DYNC1H1: variants seen among roughly 807,000 people sequenced by gnomAD.
The protein encoded by DYNC1H1 is cytoplasmic dynein 1 heavy chain 1.
Under a neutral mutation model 527.1 loss-of-function variants are expected in DYNC1H1, and 51 were observed. The ratio of observed to expected loss-of-function variants is 0.10; its 90% confidence interval spans 0.08 to 0.12. The LOEUF is 0.12. Ranked by LOEUF, DYNC1H1 falls within the 10% of genes least tolerant of loss-of-function variation. DYNC1H1 has a pLI of 1.00. For missense variants in DYNC1H1, 2,771 were observed against 5,971.8 expected (o/e 0.46, Z 17.66); for synonymous variants, 2,189 against 2,278.8 (o/e 0.96, Z 1.12).
At position 102,040,353 on chromosome 14, in the gene DYNC1H1, G is replaced by A. The variant is rs749774459; in HGVS notation, c.11808G>A (p.Val3936=). 3.1e-6 allele frequency: 5 copies of A among 1,614,112 alleles called. No individual in the cohort carries two copies. The highest frequency in any genetic ancestry group is 4.2e-6 in the Non-Finnish European group (5 of 1,180,058). ...CTGTGGAGCAGGCGGAGGCGGTGGT[G>A]AGGCTGAGCTGCCTTCCCGCGTTTA... ...GLTVEQAEAV[V]RLSCLPAFKD... Residue 3936 remains valine (V), a synonymous_variant, in exon 63 of 78, where the codon GTG becomes GTA. Transcript: ENST00000360184.
intron 23 of DYNC1H1, among the ~76,000 whole-genome samples, chr14:102,003,973 G>A (rs1427815875): frequency 3.3e-5 from 5 of 151,050 alleles, no homozygotes; most frequent in Non-Finnish European, 1.5e-5. Context: ...CCGGCGCGGT[G>A]GCTCACGCCT....
In DYNC1H1 at chr14:102,001,012, G is replaced by A. The variant is rs2048124807; in HGVS notation, c.4133G>A (p.Arg1378Gln). The change falls in exon 19 of 78, where the codon CGA becomes CAA. Residue 1378 changes from arginine to glutamine, a missense_variant. Coordinates refer to ENST00000360184, the MANE Select transcript of DYNC1H1 (RefSeq NM_001376.5). The surrounding 1 kb of genome is among the most constrained non-coding windows in gnomAD (Gnocchi z 5.0). ...CTGAAAAGCTTCCCTGCCCGGTTGC[G>A]ACAGTATGCGTCCTATGAGTTTGTT... The part of the protein sequence containing the change: ...NQLKSFPARL[R>Q]QYASYEFVQR... 1 of 1,614,190 alleles carries A rather than the reference G, an allele frequency of 6.2e-7. No individual in the cohort carries two copies. The highest frequency in any genetic ancestry group is 8.5e-7 in the Non-Finnish European group (1 of 1,180,044).
chr14:102,026,585 A>T lies in DYNC1H1; in HGVS notation c.8649A>T (p.Pro2883=). The T allele has an allele frequency of 5.0e-6, 8 of 1,614,180 alleles. No individual in the cohort carries two copies. The highest frequency in any genetic ancestry group is 5.9e-6 in the Non-Finnish European group (7 of 1,180,038). The change falls in exon 44 of 78, where the codon CCA becomes CCT. Residue 2883 remains proline (P), a synonymous_variant. Coordinates refer to ENST00000360184, the MANE Select transcript of DYNC1H1 (RefSeq NM_001376.5). ...YSNWLSKDYI[P]VDQEELRDYV... is the part of the protein sequence containing the mutation. Reference sequence around the variant, plus strand: ...CTTTTTTTCTATAGGATTACATCCCAGTAGACCAAGAAGAGTTAAGAGATT... The same window carrying T: ...CTTTTTTTCTATAGGATTACATCCCTGTAGACCAAGAAGAGTTAAGAGATT...
At chr14:101,974,468 A>G (rs796301099) in intron 1 of DYNC1H1, among the ~76,000 whole-genome samples, 11 of 152,314 alleles carry the variant, frequency 7.2e-5, no homozygotes, top group African/African-American at 2.6e-4. Context: ...AAATTAATCC[A>G]TAGATTGTAA....
rs10140283 is a variant in DYNC1H1 at position 102,038,059 on chromosome 14, C to G, written c.10909-401C>G. The G allele has an allele frequency of 1.2e-5, 4 of 338,444 alleles. No individual in the cohort carries two copies. The highest frequency in any genetic ancestry group is 4.3e-5 in the African/African-American group (2 of 46,554). The allele number at this position is 338,444 out of a possible 1,614,324, so 21.0% of individuals were successfully genotyped here. ...TGAGACAGAGTGTTGCTCTGTCCCC[C>G]AGTCTGAACCTCCCAGGTTCAAGCA... On this transcript the variant is annotated intron_variant, in intron 57 of 77. Transcript: ENST00000360184. This position sits in a 1 kb window ranked among gnomAD's most constrained non-coding sequence, Gnocchi z 7.2.
rs2048463279 is a variant in DYNC1H1 at position 102,027,433 on chromosome 14, G to A, written c.8937G>A (p.Val2979=). ...GEDFDEDLRT[V]LRRSGCKNEK... is the part of the protein sequence containing the mutation. ...ACTTTGATGAAGATCTACGGACAGT[G>A]TTGAGACGTTCTGGCTGTAAAAATG... The change falls in exon 46 of 78, where the codon GTG becomes GTA. Residue 2979 remains valine (V), a synonymous_variant. Coordinates refer to ENST00000360184, the MANE Select transcript of DYNC1H1 (RefSeq NM_001376.5). This position sits in a 1 kb window ranked among gnomAD's most constrained non-coding sequence, Gnocchi z 7.7. The A allele has an allele frequency of 1.9e-6, 3 of 1,614,062 alleles. No individual in the cohort carries two copies. The highest frequency in any genetic ancestry group is 2.5e-6 in the Non-Finnish European group (3 of 1,180,050).
Position 101,979,700 on chromosome 14 carries a change from G to C in DYNC1H1, c.519-19G>C. Reference sequence around the variant, plus strand: ...GACCAATAGCACACTAAATGTTGAGGTATGAAATCTGTTTTTAGGGATGGT... The same window carrying C: ...GACCAATAGCACACTAAATGTTGAGCTATGAAATCTGTTTTTAGGGATGGT... On this transcript the variant is annotated intron_variant, in intron 3 of 77. Transcript: ENST00000360184. This position sits in a 1 kb window ranked among gnomAD's most constrained non-coding sequence, Gnocchi z 4.6. The C allele has an allele frequency of 6.2e-7, 1 of 1,613,662 alleles. No homozygotes were observed. The highest frequency in any genetic ancestry group is 1.7e-4 in the Middle Eastern group (1 of 6,060).
chr14:101,988,505 A>G (rs905974336), intron 9 of DYNC1H1, among the ~76,000 whole-genome samples, 198 bp from the exon 10 acceptor site: 1 of 152,206 alleles, frequency 6.6e-6, no homozygotes, highest in African/African-American at 2.4e-5. Context: ...TCAGTATCCA[A>G]AGATGGAGAA....
In DYNC1H1 at chr14:102,006,103, C is replaced by T. The variant is rs780744467; in HGVS notation, c.5649C>T (p.Pro1883=). The stretch of plus-strand genomic sequence containing the variant: ...TTCAGGACAAACTGGTCCAGACCCC[C>T]CTCACTGACCGCTGCTATTTGACAA... The part of the protein sequence containing the change: ...LGVQDKLVQT[P]LTDRCYLTMT... The change falls in exon 27 of 78, where the codon CCC becomes CCT. Residue 1883 remains proline (P), a synonymous_variant. Transcript: ENST00000360184. 1.7e-5 allele frequency: 27 copies of T among 1,614,098 alleles called. No individual in the cohort carries two copies. The highest frequency in any genetic ancestry group is 2.2e-5 in the East Asian group (1 of 44,904).
Position 102,055,780 on chromosome 14 carries a change from ACT to A in DYNC1H1, c.*5220_*5221del, listed in dbSNP as rs938711238. 3 of 152,128 alleles carry A rather than the reference ACT, an allele frequency of 2.0e-5. No homozygotes were observed. The highest frequency in any genetic ancestry group is 2.9e-5 in the Non-Finnish European group (2 of 68,162). 9.4% of individuals were successfully genotyped at this position (152,128 alleles called of 1,614,324 possible). On this transcript the variant is annotated 3_prime_UTR_variant, in exon 78 of 78. Coordinates refer to ENST00000360184, the MANE Select transcript of DYNC1H1 (RefSeq NM_001376.5). ...AACCCCGCAGGCAGCTGATTAGCAA[ACT>A]CTGACTCTAACCTCAAAACATGTCC... is the stretch of plus-strand genomic sequence containing the variant.
chr14:101,988,026 C>T (rs1170476837), intron 9 of DYNC1H1, among the ~76,000 whole-genome samples: 2 of 152,104 alleles, frequency 1.3e-5, no homozygotes, highest in African/African-American at 2.4e-5. Context: ...TGCAATGAGC[C>T]AACATCGCAC....
intron 1 of DYNC1H1, among the ~76,000 whole-genome samples, chr14:101,968,102 T>A (rs948748477): frequency 1.3e-5 from 2 of 152,160 alleles, no homozygotes; most frequent in African/African-American, 4.8e-5. Flanking sequence ...TCAAGGACCA[T>A]TTTTTGGTTG....
chr14:102,013,853 G>C (rs1197669151), intron 34 of DYNC1H1, among the ~76,000 whole-genome samples: 1 of 152,180 alleles, frequency 6.6e-6, no homozygotes, highest in African/African-American at 2.4e-5. Flanking sequence ...GTGCTGAGAG[G>C]TGACTGACTA....
At chr14:102,006,925 GC>G (rs2048203852) in intron 27 of DYNC1H1, 82 bp from the exon 28 acceptor site, 1 of 1,483,114 alleles carries the variant, frequency 6.7e-7, no homozygotes, top group Non-Finnish European at 9.4e-7. Flanking sequence ...TAAATGAGTT[GC>G]TTTTTGTAGT....
rs1274421450 is a variant in DYNC1H1, at chr14:102,047,817, G to C, written c.13007G>C (p.Gly4336Ala). The C allele has an allele frequency of 3.7e-6, 6 of 1,613,158 alleles. No homozygotes were observed. Among genetic ancestry groups the C allele is most frequent in the Non-Finnish European group, 4.2e-6 (5 of 1,179,990 alleles). The part of the protein sequence containing the change: ...NAERVLLTTQ[G>A]VDMISKMLKM... ...CTGCGACTGTGGGACTGTGGCCCAG[G>C]TGTGGACATGATCAGTAAAATGCTG... Residue 4336 changes from glycine to alanine, a missense_variant and splice_region_variant, in exon 73 of 78, where the codon GGT (glycine) becomes GCT (alanine). Gly to Ala is a moderately conservative substitution (Grantham distance 60). This residue lies in a region of DYNC1H1 where 170 missense variants were observed against 249.8 expected (regional missense o/e 0.68). Coordinates refer to ENST00000360184, the MANE Select transcript of DYNC1H1 (RefSeq NM_001376.5).
At chr14:101,973,968 C>T (rs1260497932) in intron 1 of DYNC1H1, among the ~76,000 whole-genome samples, 1 of 152,204 alleles carries the variant, frequency 6.6e-6, no homozygotes, top group East Asian at 1.9e-4. Flanking sequence ...CAATATTCTA[C>T]TGCCTGCTCC....
chr14:102,007,647 TGAG>T (rs1008491226), intron 28 of DYNC1H1, among the ~76,000 whole-genome samples: 2 of 152,092 alleles, frequency 1.3e-5, no homozygotes, highest in African/African-American at 4.8e-5. Flanking sequence ...ATTTCACAGA[TGAG>T]GAGATGTGCA....
intron 23 of DYNC1H1, among the ~76,000 whole-genome samples, chr14:102,003,995 A>C (rs1190733645): frequency 6.6e-6 from 1 of 151,978 alleles, no homozygotes; most frequent in Non-Finnish European, 1.5e-5. Context: ...TAATCCCAGC[A>C]CTTTGGGTGG....
chr14:101,992,498 C>T (rs1036498117), intron 11 of DYNC1H1, among the ~76,000 whole-genome samples: 1 of 152,170 alleles, frequency 6.6e-6, no homozygotes, highest in Non-Finnish European at 1.5e-5. Flanking sequence ...TTGCATTGTT[C>T]TCTTGCTTAT....
Sources: gnomAD v4.1 joint callset for allele counts (sites outside exome capture counted in the v4.1 genomes callset) on GRCh38, gnomAD v4.1.1 for gene constraint, gnomAD v4.1.1 regional missense constraint, Gnocchi (gnomAD v3.1) non-coding constraint, MANE v1.5 for transcripts, NCBI Gene and HGNC (gene_info 2026-07-23, HGNC 2026-07-21) for gene names.